CDH12: variants seen among roughly 807,000 people sequenced by gnomAD.
CDH12 encodes the protein cadherin 12, also known as cadherin-12.
A neutral mutation model predicts 74.1 loss-of-function variants in CDH12; 41 were observed. The ratio of observed to expected loss-of-function variants is 0.55; its 90% CI spans 0.43 to 0.72. The LOEUF is 0.72. Ranked by LOEUF, CDH12 falls within the 30% of genes least tolerant of loss-of-function variation. The probability of loss-of-function intolerance (pLI) is 0.00; values close to 1 mark genes in which losing one functional copy is unlikely to be tolerated. For synonymous variants in CDH12, 399 were observed against 355.0 expected, an observed-to-expected ratio of 1.12 and a Z score of -1.39; for missense variants, 945 against 977.2, an observed-to-expected ratio of 0.97 and a Z score of 0.44.
chr5:21,801,890 A>G (rs1747130991), intron 10 of CDH12, among the ~76,000 whole-genome samples: 1 of 152,198 alleles, frequency 6.6e-6, no homozygotes, highest in South Asian at 2.1e-4. Context: ...CCGTTTATAC[A>G]TGAAGAGTTG....
At chr5:21,842,106 C>A in intron 8 of CDH12, 55 bp downstream of exon 8, 1 of 1,341,584 alleles carries the variant, frequency 7.5e-7, no homozygotes, top group Admixed American at 2.0e-5. Context: ...TTCAATGACA[C>A]CATTAAATTT....
At chr5:22,562,137 GAA>G (rs1739077510) in intron 1 of CDH12, among the ~76,000 whole-genome samples, 2 of 152,092 alleles carry the variant, frequency 1.3e-5, no homozygotes, top group African/African-American at 4.8e-5. Flanking sequence ...CTAAAACGGT[GAA>G]ACCCCGTCTC....
chr5:22,795,755 T>G (rs1748168510), intron 1 of CDH12, among the ~76,000 whole-genome samples: 1 of 151,656 alleles, frequency 6.6e-6, no homozygotes, highest in Admixed American at 6.6e-5. Flanking sequence ...AGATCAACAT[T>G]TTTAGATTCC....
intron 6 of CDH12, among the ~76,000 whole-genome samples, chr5:21,927,252 G>A (rs547563781): frequency 6.6e-6 from 1 of 152,144 alleles, no homozygotes; most frequent in African/African-American, 2.4e-5. Context: ...AGGAGGAATA[G>A]AAGATGGGTA....
chr5:22,377,818 A>C (rs1032871162), intron 3 of CDH12, among the ~76,000 whole-genome samples: 5 of 152,174 alleles, frequency 3.3e-5, no homozygotes, highest in Non-Finnish European at 7.3e-5. Flanking sequence ...CTAACAGTAA[A>C]AACTCACTGA....
intron 1 of CDH12, among the ~76,000 whole-genome samples, chr5:22,508,408 C>A (rs1322173450): frequency 6.6e-6 from 1 of 152,150 alleles, no homozygotes; most frequent in East Asian, 1.9e-4. Flanking sequence ...AAACATGTTT[C>A]TTTGCCATAT....
chr5:22,698,741 T>A (rs562460729), intron 1 of CDH12, among the ~76,000 whole-genome samples: 11,613 of 35,548 alleles, frequency 0.33, 2,260 homozygotes, highest in Admixed American at 0.45. Flanking sequence ...ATATAGTGTG[T>A]GTGTGTGTGT....
intron 2 of CDH12, among the ~76,000 whole-genome samples, chr5:22,429,921 T>C (rs977003075): frequency 1.3e-5 from 2 of 152,168 alleles, no homozygotes; most frequent in Non-Finnish European, 2.9e-5. Context: ...ACAATTAATG[T>C]TGATGGCCAT....
At chr5:22,146,421 C>A (rs929034455) in intron 4 of CDH12, among the ~76,000 whole-genome samples, 5 of 152,142 alleles carry the variant, frequency 3.3e-5, no homozygotes. Context: ...CATTTAACAA[C>A]AGACTGAATA....
At chr5:22,248,390 A>G (rs959378998) in intron 3 of CDH12, among the ~76,000 whole-genome samples, 18 of 152,166 alleles carry the variant, frequency 1.2e-4, no homozygotes, top group Admixed American at 5.9e-4. Context: ...CACTATAAGT[A>G]TCAAGAGATT....
chr5:22,557,120 C>A (rs1738834251), intron 1 of CDH12, among the ~76,000 whole-genome samples: 1 of 152,010 alleles, frequency 6.6e-6, no homozygotes, highest in African/African-American at 2.4e-5. Context: ...GTCTTTCTTG[C>A]TTTTTAAACT....
chr5:22,183,521 T>G (rs2150339557), intron 4 of CDH12, among the ~76,000 whole-genome samples: 1 of 152,316 alleles, frequency 6.6e-6, no homozygotes, highest in East Asian at 1.9e-4. Context: ...AAGAAAGAAC[T>G]ATATGGTGGT....
chr5:22,796,946 T>A (rs1375346742), intron 1 of CDH12, among the ~76,000 whole-genome samples: 2 of 152,144 alleles, frequency 1.3e-5, no homozygotes, highest in African/African-American at 4.8e-5. Context: ...ACTGACTCTG[T>A]GTCTAATCTC....
At chr5:22,042,981 T>C (rs1272579393) in intron 5 of CDH12, among the ~76,000 whole-genome samples, 1 of 150,602 alleles carries the variant, frequency 6.6e-6, no homozygotes, top group Middle Eastern at 3.2e-3. Flanking sequence ...AAGAAAAGCC[T>C]AGGACCTGAA....
intron 1 of CDH12, among the ~76,000 whole-genome samples, chr5:22,723,096 T>A (rs2126992409): frequency 1.3e-5 from 2 of 152,324 alleles, no homozygotes; most frequent in African/African-American, 4.8e-5. Context: ...GTAAAAAATG[T>A]AATTGCTAAT....
chr5:21,954,714 TA>T (rs917392881), intron 6 of CDH12, among the ~76,000 whole-genome samples: 1 of 152,082 alleles, frequency 6.6e-6, no homozygotes, highest in African/African-American at 2.4e-5. Flanking sequence ...TTTTTTATTG[TA>T]AAACAGGAGG....
intron 2 of CDH12, among the ~76,000 whole-genome samples, chr5:22,481,939 G>A (rs1332467160): frequency 2.6e-5 from 4 of 152,104 alleles, no homozygotes; most frequent in Admixed American, 6.5e-5. Context: ...TAAGTTATTT[G>A]TAAAATTATA....
chr5:22,145,774 G>A (rs910622231), intron 4 of CDH12, among the ~76,000 whole-genome samples: 3 of 151,984 alleles, frequency 2.0e-5, no homozygotes, highest in Non-Finnish European at 2.9e-5. Flanking sequence ...TAGGGACATC[G>A]AAGGTACAAA....
rs1561224095 is a variant in CDH12, at chr5:21,832,918, TAATATATATCATATATTATATATA to T, written c.814+9219_814+9242del. Among the ~76,000 whole-genome samples the T allele has an allele frequency of 9.8e-4, 56 of 57,048 alleles. No individual in the cohort carries two copies. The African/African-American group carries it at 1.0e-2, about 10-fold the overall frequency. The allele number at this position is 57,048 out of a possible 152,430, so 37.4% of individuals were successfully genotyped here. A position where few individuals can be genotyped will look rare whatever the true frequency, so the allele number is the denominator to read the frequency against. ...TATCATATAATATATGATATAATATTAATATATATCATATATTATATATAATATCATATTATGTAATATGATATA... is the reference window on the plus strand; with the variant it reads ...TATCATATAATATATGATATAATATTATATCATATTATGTAATATGATATA... On this transcript the variant is annotated intron_variant, in intron 8 of 14. Transcript: ENST00000382254.
Sources: allele counts gnomAD v4.1 joint callset (sites outside exome capture counted in the v4.1 genomes callset), GRCh38; gene constraint gnomAD v4.1.1; transcripts MANE v1.5; gene names NCBI Gene and HGNC (gene_info 2026-07-23, HGNC 2026-07-21).